PLCL1: variants seen among roughly 807,000 people sequenced by gnomAD.
PLCL1 encodes phospholipase C like 1 (inactive).
PLCL1 carries 41 observed loss-of-function variants against 84.4 expected under a neutral mutation model. That is an observed-to-expected ratio of 0.49 (90% confidence interval 0.38 to 0.63). The LOEUF (loss-of-function observed/expected upper bound fraction) is 0.63. Ranked by LOEUF, PLCL1 falls within the 30% of genes least tolerant of loss-of-function variation. The pLI is 0.00. For missense variants in PLCL1, 1,206 were observed against 1,367.8 expected, an observed-to-expected ratio of 0.88 and a Z score of 1.87; for synonymous variants, 490 against 488.3, an observed-to-expected ratio of 1.00 and a Z score of -0.05.
At chr2:197,916,510 T>A (rs960687848) in intron 1 of PLCL1, among the ~76,000 whole-genome samples, 3 of 152,172 alleles carry the variant, frequency 2.0e-5, no homozygotes, top group African/African-American at 7.2e-5. Context: ...GAATAATCCA[T>A]GCTGTACACT....
intron 1 of PLCL1, among the ~76,000 whole-genome samples, chr2:197,951,362 C>A (rs889018235): frequency 1.3e-5 from 2 of 152,090 alleles, no homozygotes; most frequent in African/African-American, 4.8e-5. Flanking sequence ...CTGCTCTTTC[C>A]CTGCTTCCAT....
intron 3 of PLCL1, among the ~76,000 whole-genome samples, chr2:198,098,891 A>C (rs1276352519): frequency 6.6e-6 from 1 of 152,182 alleles, no homozygotes; most frequent in Non-Finnish European, 1.5e-5. Flanking sequence ...TTTTAAAGAC[A>C]TAATTTTACT....
At chr2:198,016,342 G>T (rs903132034) in intron 1 of PLCL1, among the ~76,000 whole-genome samples, 1 of 152,142 alleles carries the variant, frequency 6.6e-6, no homozygotes, top group Non-Finnish European at 1.5e-5. Flanking sequence ...ATTGTTTCCC[G>T]TCAACTTGAA....
At chr2:197,957,982 G>A (rs1689525209) in intron 1 of PLCL1, among the ~76,000 whole-genome samples, 1 of 152,024 alleles carries the variant, frequency 6.6e-6, no homozygotes, top group Non-Finnish European at 1.5e-5. Context: ...AATGCAAAGT[G>A]ATCCCAAGTT....
At chr2:197,924,106 A>G (rs1310509820) in intron 1 of PLCL1, among the ~76,000 whole-genome samples, 1 of 134,742 alleles carries the variant, frequency 7.4e-6, no homozygotes, top group Non-Finnish European at 1.6e-5. Flanking sequence ...AGTACAGTCC[A>G]GCTTCGGCTC....
intron 1 of PLCL1, among the ~76,000 whole-genome samples, chr2:197,922,674 A>G (rs1574950033): frequency 2.3e-5 from 2 of 85,508 alleles, no homozygotes; most frequent in Non-Finnish European, 4.7e-5. Flanking sequence ...TCCCTCCCGG[A>G]CGGGGCGGCT....
chr2:197,982,806 C>T (rs1441536548), intron 1 of PLCL1, among the ~76,000 whole-genome samples: 2 of 152,134 alleles, frequency 1.3e-5, no homozygotes. Flanking sequence ...TGGAGGACCT[C>T]GCATCCATCT....
chr2:197,890,701 T>TATATATATATATATATATATATATATAC (rs11270566), intron 1 of PLCL1, among the ~76,000 whole-genome samples: 91 of 118,480 alleles, frequency 7.7e-4, no homozygotes, highest in African/African-American at 3.0e-3. Flanking sequence ...TATATATATA[T>TATATATATATATATATATATATATATAC]ACACACACAC....
chr2:197,852,357 T>G (rs1008163395), intron 1 of PLCL1, among the ~76,000 whole-genome samples: 1 of 152,226 alleles, frequency 6.6e-6, no homozygotes, highest in Non-Finnish European at 1.5e-5. Context: ...GATTGTCATC[T>G]GATTACACAT....
At chr2:198,031,595 A>G (rs1397639994) in intron 1 of PLCL1, among the ~76,000 whole-genome samples, 1 of 150,076 alleles carries the variant, frequency 6.7e-6, no homozygotes, top group Non-Finnish European at 1.5e-5. Flanking sequence ...GGCTCAAGCA[A>G]TTCTCTCATC....
chr2:197,951,987 C>T (rs544491852), intron 1 of PLCL1, among the ~76,000 whole-genome samples: 42 of 152,150 alleles, frequency 2.8e-4, no homozygotes, highest in Non-Finnish European at 5.1e-4. Context: ...GAAACTCATT[C>T]TGTCTTTGTA....
At chr2:197,828,837 C>T (rs1690988985) in intron 1 of PLCL1, among the ~76,000 whole-genome samples, 1 of 152,070 alleles carries the variant, frequency 6.6e-6, no homozygotes, top group African/African-American at 2.4e-5. Context: ...AAAACAATTC[C>T]ATAAATGGTT....
intron 1 of PLCL1, among the ~76,000 whole-genome samples, chr2:198,049,641 G>A (rs1214175921): frequency 2.6e-5 from 4 of 152,182 alleles, no homozygotes; most frequent in African/African-American, 9.7e-5. Flanking sequence ...GCTACAAAAA[G>A]CAGCAGGTGC....
chr2:198,078,887 A>G (rs904020853), intron 1 of PLCL1, among the ~76,000 whole-genome samples: 2 of 152,152 alleles, frequency 1.3e-5, no homozygotes, highest in Admixed American at 6.6e-5. Context: ...TAAAATATAC[A>G]TAACATAAAA....
intron 1 of PLCL1, among the ~76,000 whole-genome samples, chr2:197,918,969 C>CTCTCT (rs1369678298): frequency 1.9e-4 from 28 of 146,950 alleles, no homozygotes; most frequent in African/African-American, 5.6e-4. Flanking sequence ...TCTCTCTCTC[C>CTCTCT]CTCACACACA....
intron 1 of PLCL1, among the ~76,000 whole-genome samples, chr2:197,975,947 C>G (rs926277692): frequency 2.0e-5 from 3 of 152,178 alleles, no homozygotes; most frequent in African/African-American, 7.2e-5. Context: ...AAATTCATAC[C>G]TTTCTTCTCC....
intron 1 of PLCL1, among the ~76,000 whole-genome samples, chr2:197,898,889 C>G (rs1054582062): frequency 1.3e-5 from 2 of 151,862 alleles, no homozygotes; most frequent in Non-Finnish European, 2.9e-5. Flanking sequence ...CTGCATACTG[C>G]ACTGTAGAGC....
rs1187780011 is a variant in PLCL1 at position 198,149,206 on chromosome 2, C to T, written c.*2244C>T. ...CAATTTTTTTTTGTGTATTATGCCTCCATGACATTGTTACATTCTATGAGG... is the reference window on the plus strand; with the variant it reads ...CAATTTTTTTTTGTGTATTATGCCTTCATGACATTGTTACATTCTATGAGG... On this transcript the variant is annotated 3_prime_UTR_variant, in exon 6 of 6. Coordinates refer to ENST00000428675, the MANE Select transcript of PLCL1 (RefSeq NM_006226.4). The T allele has an allele frequency of 1.3e-5, 2 of 152,250 alleles. No homozygotes were observed. Among genetic ancestry groups the T allele is most frequent in the South Asian group, 4.1e-4 (2 of 4,822 alleles). 9.4% of individuals were successfully genotyped at this position (152,250 alleles called of 1,614,324 possible). A position where few individuals can be genotyped will look rare whatever the true frequency, so the allele number is the denominator to read the frequency against.
At chr2:198,115,070 G>A (rs955883203) in intron 5 of PLCL1, among the ~76,000 whole-genome samples, 4 of 151,842 alleles carry the variant, frequency 2.6e-5, no homozygotes, top group African/African-American at 4.8e-5. Context: ...TCAGAAAGAA[G>A]CACATATGAG....
Sources: allele counts gnomAD v4.1 joint callset (sites outside exome capture counted in the v4.1 genomes callset), GRCh38; gene constraint gnomAD v4.1.1; transcripts MANE v1.5; gene names NCBI Gene and HGNC (gene_info 2026-07-23, HGNC 2026-07-21).